COL22A1: variants seen among roughly 807,000 people sequenced by gnomAD.
COL22A1 encodes collagen alpha-1(XXII) chain.
Under a neutral mutation model 248.9 loss-of-function variants are expected in COL22A1, and 221 were observed. The ratio of observed to expected loss-of-function variants is 0.89; its 90% CI spans 0.80 to 0.99. The LOEUF (loss-of-function observed/expected upper bound fraction) is 0.99. Ranked by LOEUF, COL22A1 falls within the 50% of genes least tolerant of loss-of-function variation. COL22A1 has a pLI of 0.00. For missense variants in COL22A1, 2,240 were observed against 2,179.0 expected, an observed-to-expected ratio of 1.03 and a Z score of -0.56; for synonymous variants, 891 against 793.4, an observed-to-expected ratio of 1.12 and a Z score of -2.07.
At chr8:138,653,029 G>A (rs573010128) in intron 45 of COL22A1, among the ~76,000 whole-genome samples, 2 of 152,184 alleles carry the variant, frequency 1.3e-5, no homozygotes, top group South Asian at 2.1e-4. Flanking sequence ...TTACAGGCAT[G>A]AGCCATCGCA....
At chr8:138,604,485 T>G (rs1443269663) in intron 59 of COL22A1, among the ~76,000 whole-genome samples, 1 of 152,274 alleles carries the variant, frequency 6.6e-6, no homozygotes, top group Middle Eastern at 3.4e-3. Context: ...ATAGCTTGGA[T>G]GCTGAGGAAT....
intron 1 of COL22A1, among the ~76,000 whole-genome samples, chr8:138,887,460 C>T (rs1457137605): frequency 2.6e-5 from 4 of 152,174 alleles, no homozygotes. Context: ...CCTCGTGATC[C>T]ACCCGCCTCG....
chr8:138,664,209 G>GCGCGCGCGCGCGCGCGCACACA (rs1440442280), intron 41 of COL22A1, among the ~76,000 whole-genome samples: 1 of 103,158 alleles, frequency 9.7e-6, no homozygotes, highest in African/African-American at 4.0e-5. Context: ...GCGCGCGCGC[G>GCGCGCGCGCGCGCGCGCACACA]CACACACACA....
intron 44 of COL22A1, among the ~76,000 whole-genome samples, chr8:138,658,145 T>C (rs1269730774): frequency 1.3e-5 from 2 of 152,174 alleles, no homozygotes; most frequent in Non-Finnish European, 2.9e-5. Context: ...GGTGCAGCAC[T>C]GGAGAAACAC....
intron 5 of COL22A1, among the ~76,000 whole-genome samples, chr8:138,832,834 T>C (rs1820153688): frequency 1.3e-5 from 2 of 152,206 alleles, no homozygotes; most frequent in Non-Finnish European, 2.9e-5. Context: ...AGAGAACCAA[T>C]GAAGTCAATG....
intron 1 of COL22A1, among the ~76,000 whole-genome samples, chr8:138,906,430 G>T (rs1302122241): frequency 6.6e-6 from 1 of 151,724 alleles, no homozygotes; most frequent in South Asian, 2.1e-4. Flanking sequence ...TAAACTTAAC[G>T]TGTCTAGTCT....
At position 138,742,842 on chromosome 8, in the gene COL22A1, T is replaced by C. The variant is rs111206264; in HGVS notation, c.2086-5265A>G. Among the ~76,000 whole-genome samples the C allele has an allele frequency of 9.5e-3, 1,417 of 148,578 alleles. 38 individuals are homozygous for C. The highest frequency in any genetic ancestry group is 0.035 in the African/African-American group (1,356 of 38,784). On this transcript the variant is annotated intron_variant, in intron 22 of 64. Coordinates refer to ENST00000303045, the MANE Select transcript of COL22A1 (RefSeq NM_152888.3). ...GAGTTGATGATGATGGTAGTAGTGATTGTGATGGTAGAGTTGATGATGATG... is the reference window on the plus strand; with the variant it reads ...GAGTTGATGATGATGGTAGTAGTGACTGTGATGGTAGAGTTGATGATGATG...
chr8:138,808,593 G>A (rs1010681319), intron 9 of COL22A1, among the ~76,000 whole-genome samples: 4 of 152,084 alleles, frequency 2.6e-5, no homozygotes, highest in South Asian at 2.1e-4. Flanking sequence ...TAATCTGTAC[G>A]TGTTCGATAC....
chr8:138,769,122 T>C (rs1834150115), intron 16 of COL22A1, among the ~76,000 whole-genome samples: 1 of 152,070 alleles, frequency 6.6e-6, no homozygotes, highest in African/African-American at 2.4e-5. Context: ...ACTTTGCAAA[T>C]CTTACCCTCC....
intron 1 of COL22A1, among the ~76,000 whole-genome samples, chr8:138,905,706 C>T (rs190993826): frequency 1.2e-3 from 184 of 152,286 alleles, no homozygotes; most frequent in African/African-American, 3.6e-3. Flanking sequence ...TAAACATCCA[C>T]GTTATCGGAC....
intron 29 of COL22A1, 117 bp from the exon 30 acceptor site, chr8:138,715,852 T>A: frequency 1.3e-6 from 1 of 749,444 alleles, no homozygotes; most frequent in Non-Finnish European, 2.2e-6. Flanking sequence ...TTTCTCTCTC[T>A]CACTTGTCCT....
intron 7 of COL22A1, among the ~76,000 whole-genome samples, chr8:138,816,865 T>C (rs966422387): frequency 1.3e-5 from 2 of 152,232 alleles, no homozygotes; most frequent in African/African-American, 4.8e-5. Context: ...TGATACTTGG[T>C]TTTAACATAA....
chr8:138,594,289 G>A, intron 62 of COL22A1, 90 bp from the exon 63 acceptor site: 1 of 1,143,632 alleles, frequency 8.7e-7, no homozygotes, highest in Non-Finnish European at 1.2e-6. Flanking sequence ...AGAACCAGGG[G>A]GCCGATAATA....
At chr8:138,644,970 G>GTCAAGGAAGTAA (rs916645381) in intron 47 of COL22A1, among the ~76,000 whole-genome samples, 3 of 152,168 alleles carry the variant, frequency 2.0e-5, no homozygotes, top group African/African-American at 7.2e-5. Flanking sequence ...AGGACAGGTA[G>GTCAAGGAAGTAA]TCATGTTCTT....
At chr8:138,688,422 G>A (rs1161145525) in intron 37 of COL22A1, among the ~76,000 whole-genome samples, 2 of 151,986 alleles carry the variant, frequency 1.3e-5, no homozygotes, top group African/African-American at 4.8e-5. Flanking sequence ...TCAGGAGGCT[G>A]AGACATGAGA....
intron 41 of COL22A1, among the ~76,000 whole-genome samples, chr8:138,676,325 G>A (rs1384118332): frequency 6.6e-6 from 1 of 151,208 alleles, no homozygotes; most frequent in African/African-American, 2.4e-5. Context: ...GAACCTGGGA[G>A]GCGGAGGTTG....
At chr8:138,790,639 G>T (rs908661266) in intron 12 of COL22A1, among the ~76,000 whole-genome samples, 1 of 152,170 alleles carries the variant, frequency 6.6e-6, no homozygotes, top group Non-Finnish European at 1.5e-5. Context: ...TGGTTCCGGT[G>T]AGAAGAACCC....
intron 12 of COL22A1, among the ~76,000 whole-genome samples, chr8:138,793,795 C>T (rs971166011): frequency 3.9e-4 from 59 of 152,302 alleles, no homozygotes; most frequent in African/African-American, 1.4e-3. Context: ...CACCCCAGAG[C>T]CAATGAGGCA....
rs535611829 is a variant in COL22A1, at chr8:138,612,725, G to A, written c.3978+1142C>T. 2.2e-4 allele frequency among the ~76,000 whole-genome samples: 34 copies of A among 151,938 alleles called. No homozygotes were observed. In the East Asian group the frequency reaches 4.8e-3, roughly 22 times the overall value. Reference sequence around the variant, plus strand: ...GCAGATCACTTGAGGTCAGGAGTTCGAAACCAGCCTGGCCAACGTGGCAAA... The same window carrying A: ...GCAGATCACTTGAGGTCAGGAGTTCAAAACCAGCCTGGCCAACGTGGCAAA... On this transcript the variant is annotated intron_variant, in intron 56 of 64. Transcript: ENST00000303045.
Sources: gnomAD v4.1 joint callset for allele counts (sites outside exome capture counted in the v4.1 genomes callset) on GRCh38, gnomAD v4.1.1 for gene constraint, MANE v1.5 for transcripts, NCBI Gene and HGNC (gene_info 2026-07-23, HGNC 2026-07-21) for gene names.